Variants in GALNT17 observed in about 807,000 individuals in gnomAD.
The protein encoded by GALNT17 is UDP-GalNAc:polypeptide N-acetylgalactosaminyltransferase-like 3.
In GALNT17, 29 loss-of-function variants were observed where a neutral mutation model predicts 63.7. The ratio of observed to expected loss-of-function variants is 0.46; its 90% CI spans 0.34 to 0.62. The LOEUF is 0.62. Ranked by LOEUF, GALNT17 falls within the 20% of genes least tolerant of loss-of-function variation. The probability of loss-of-function intolerance (pLI) is 0.01; values close to 1 mark genes in which losing one functional copy is unlikely to be tolerated. For synonymous variants in GALNT17, 305 were observed against 318.3 expected, an observed-to-expected ratio of 0.96 and a Z score of 0.45; for missense variants, 603 against 799.6, an observed-to-expected ratio of 0.75 and a Z score of 2.97.
chr7:71,270,877 T>C (rs1056024257), intron 1 of GALNT17, among the ~76,000 whole-genome samples: 15 of 151,598 alleles, frequency 9.9e-5, no homozygotes, highest in African/African-American at 3.6e-4. Context: ...GTAATTTAAG[T>C]AATTTAAATT....
intron 1 of GALNT17, among the ~76,000 whole-genome samples, chr7:71,196,258 C>G (rs544567219): frequency 2.6e-5 from 4 of 152,182 alleles, no homozygotes; most frequent in African/African-American, 9.6e-5. Context: ...CTGCCTCAGC[C>G]TCTCAAGTAG....
intron 6 of GALNT17, among the ~76,000 whole-genome samples, chr7:71,657,129 T>C (rs1481819717): frequency 6.6e-6 from 1 of 152,194 alleles, no homozygotes; most frequent in East Asian, 1.9e-4. Context: ...AGACCTTGAA[T>C]ATTAGAATTC....
chr7:71,516,385 C>T (rs879820642), intron 5 of GALNT17, among the ~76,000 whole-genome samples: 8 of 152,156 alleles, frequency 5.3e-5, no homozygotes, highest in Admixed American at 2.0e-4. Context: ...CACACTTTTT[C>T]GGAGGAGTGA....
chr7:71,387,542 T>C (rs1465633482), intron 2 of GALNT17, among the ~76,000 whole-genome samples: 2 of 152,056 alleles, frequency 1.3e-5, no homozygotes, highest in African/African-American at 4.8e-5. Context: ...CCCAGGCTGG[T>C]CTTAAACTCC....
rs893830467 is a variant in GALNT17 at position 71,135,613 on chromosome 7, A to C, written c.238+2573A>C. Among the ~76,000 whole-genome samples, 4 of 152,160 alleles carry C rather than the reference A, an allele frequency of 2.6e-5. No homozygotes were observed. The South Asian group carries it at 8.3e-4, about 32-fold the overall frequency. On this transcript the variant is annotated intron_variant, in intron 1 of 10. Coordinates refer to ENST00000333538, the MANE Select transcript of GALNT17 (RefSeq NM_022479.3). The stretch of plus-strand genomic sequence containing the variant: ...CAGAATCACTGAAGAGCCCTTTAAG[A>C]CAGATTTCTGGGCCTCCCGCCCAGG...
chr7:71,269,984 A>T (rs762608133), intron 1 of GALNT17, among the ~76,000 whole-genome samples: 31 of 152,212 alleles, frequency 2.0e-4, no homozygotes, highest in Non-Finnish European at 4.3e-4. Context: ...AAATATTTTC[A>T]TGAGTGTGTG....
intron 1 of GALNT17, among the ~76,000 whole-genome samples, chr7:71,245,848 GTTTT>G (rs542136452): frequency 8.1e-6 from 1 of 122,892 alleles, no homozygotes; most frequent in Non-Finnish European, 1.8e-5. Context: ...AAGAGAGCAG[GTTTT>G]TTTTTTTTTT....
chr7:71,665,643 A>T (rs1359619605), intron 7 of GALNT17, 47 bp downstream of exon 7: 1 of 1,563,586 alleles, frequency 6.4e-7, no homozygotes, highest in Non-Finnish European at 8.6e-7. Context: ...AGTGATCCTT[A>T]CTGTTTGATC....
intron 3 of GALNT17, among the ~76,000 whole-genome samples, chr7:71,405,361 T>G (rs1793310071): frequency 6.6e-6 from 1 of 152,136 alleles, no homozygotes; most frequent in African/African-American, 2.4e-5. Flanking sequence ...GCATTGTGGC[T>G]CATGCTTATA....
chr7:71,238,358 AATTT>A (rs543824834), intron 1 of GALNT17, among the ~76,000 whole-genome samples: 1 of 152,014 alleles, frequency 6.6e-6, no homozygotes, highest in African/African-American at 2.4e-5. Flanking sequence ...CTGCATTCGG[AATTT>A]ATTTATTTAT....
chr7:71,625,381 G>C (rs908843298), intron 6 of GALNT17, among the ~76,000 whole-genome samples: 1 of 152,026 alleles, frequency 6.6e-6, no homozygotes, highest in Non-Finnish European at 1.5e-5. Flanking sequence ...CCTGACCTCA[G>C]GTGATCCACC....
chr7:71,378,804 T>A (rs1016640339), intron 2 of GALNT17, among the ~76,000 whole-genome samples: 7 of 151,468 alleles, frequency 4.6e-5, no homozygotes, highest in African/African-American at 1.7e-4. Context: ...GGCAACACAC[T>A]GAGACCCCAT....
intron 1 of GALNT17, among the ~76,000 whole-genome samples, chr7:71,181,234 G>A (rs1444958837): frequency 2.0e-5 from 3 of 148,936 alleles, no homozygotes; most frequent in South Asian, 2.1e-4. Context: ...CAGCCTGGGC[G>A]ACAGAGCAAG....
chr7:71,502,987 C>A (rs923005045), intron 5 of GALNT17, among the ~76,000 whole-genome samples: 1 of 152,068 alleles, frequency 6.6e-6, no homozygotes, highest in African/African-American at 2.4e-5. Context: ...TGGTCATTAG[C>A]CCCCTGCACT....
chr7:71,581,191 G>T (rs142569141), intron 6 of GALNT17, among the ~76,000 whole-genome samples: 570 of 152,130 alleles, frequency 3.7e-3, no homozygotes, highest in Non-Finnish European at 5.1e-3. Flanking sequence ...ATAGTCTCTC[G>T]CCCTGTCACC....
chr7:71,405,775 G>C (rs1313588987), intron 3 of GALNT17, among the ~76,000 whole-genome samples: 1 of 152,136 alleles, frequency 6.6e-6, no homozygotes, highest in African/African-American at 2.4e-5. Context: ...CATGAGGGTA[G>C]AGTCCTCCTG....
At chr7:71,259,490 C>T (rs542100399) in intron 1 of GALNT17, among the ~76,000 whole-genome samples, 7 of 152,224 alleles carry the variant, frequency 4.6e-5, no homozygotes, top group East Asian at 3.9e-4. Flanking sequence ...CACTTGGAAA[C>T]GAAGCACTGG....
chr7:71,362,837 C>G (rs1792430432), intron 2 of GALNT17, among the ~76,000 whole-genome samples: 1 of 152,204 alleles, frequency 6.6e-6, no homozygotes, highest in African/African-American at 2.4e-5. Flanking sequence ...CAGGTCTTGA[C>G]TGAAAGACCG....
intron 1 of GALNT17, among the ~76,000 whole-genome samples, chr7:71,154,230 G>GAC (rs781333490): frequency 6.6e-6 from 1 of 151,544 alleles, no homozygotes; most frequent in Non-Finnish European, 1.5e-5. Context: ...GAGAGAAAGA[G>GAC]AGAGAGATGC....
Sources: gnomAD v4.1 joint callset for allele counts (sites outside exome capture counted in the v4.1 genomes callset) on GRCh38, gnomAD v4.1.1 for gene constraint, MANE v1.5 for transcripts, NCBI Gene and HGNC (gene_info 2026-07-23, HGNC 2026-07-21) for gene names.